MRTFB: variants seen among roughly 807,000 people sequenced by gnomAD.
MRTFB encodes myocardin-related transcription factor B.
Under a neutral mutation model 104.2 loss-of-function variants are expected in MRTFB, and 29 were observed. The ratio of observed to expected loss-of-function variants is 0.28; its 90% CI spans 0.21 to 0.38. The LOEUF is 0.38. Ranked by LOEUF, MRTFB falls within the 10% of genes least tolerant of loss-of-function variation. MRTFB has a pLI of 1.00. For synonymous variants in MRTFB, 535 were observed against 519.5 expected, an observed-to-expected ratio of 1.03 and a Z score of -0.41; for missense variants, 1,270 against 1,341.6, an observed-to-expected ratio of 0.95 and a Z score of 0.83.
chr16:14,218,294 C>A (rs1161542822), intron 7 of MRTFB, among the ~76,000 whole-genome samples: 1 of 152,098 alleles, frequency 6.6e-6, no homozygotes, highest in Admixed American at 6.5e-5. Flanking sequence ...CTCCTGACCT[C>A]ATGATCCACC....
Position 14,261,424 on chromosome 16 carries a change from C to A in MRTFB, c.3280C>A (p.Leu1094Ile), listed in dbSNP as rs1422175822. ...FSADFLDPQDLPLPWD is the reference protein window; with the variant it reads ...FSADFLDPQDIPLPWD ...TGCTGACTTTCTAGACCCACAGGAC[C>A]TACCGCTGCCATGGGACTAACGTCA... The change falls in exon 17 of 17, where the codon CTA (leucine) becomes ATA (isoleucine). Residue 1094 changes from leucine to isoleucine, a missense_variant. Physicochemically the swap from Leu to Ile is conservative, Grantham distance 5. Coordinates refer to ENST00000571589, the MANE Select transcript of MRTFB (RefSeq NM_001308142.2). 5 of 1,602,818 alleles carry A rather than the reference C, an allele frequency of 3.1e-6. No individual in the cohort carries two copies. The highest frequency in any genetic ancestry group is 4.3e-6 in the Non-Finnish European group (5 of 1,171,698).
At chr16:14,102,914 A>C (rs1168048672) in intron 2 of MRTFB, among the ~76,000 whole-genome samples, 1 of 152,198 alleles carries the variant, frequency 6.6e-6, no homozygotes, top group Non-Finnish European at 1.5e-5. Context: ...GTGAAAGGAG[A>C]AGGTGAAGTA....
At chr16:14,033,913 A>G in the MRTFB span, among the ~76,000 whole-genome samples, 2 of 152,116 alleles carry the variant, frequency 1.3e-5, no homozygotes, top group Non-Finnish European at 1.5e-5. Flanking sequence ...GTGTGGTTCA[A>G]AATAAGGAAA....
At chr16:14,185,562 T>G (rs890252531) in intron 3 of MRTFB, among the ~76,000 whole-genome samples, 1 of 152,190 alleles carries the variant, frequency 6.6e-6, no homozygotes, top group African/African-American at 2.4e-5. Context: ...CTGGGTATTA[T>G]TAAAGGAAGT....
the MRTFB span, among the ~76,000 whole-genome samples, chr16:13,999,535 C>A: frequency 6.7e-6 from 1 of 148,568 alleles, no homozygotes; most frequent in Non-Finnish European, 1.5e-5. Flanking sequence ...AAAAAAAAAG[C>A]TTTCTCTCTT....
Position 14,082,180 on chromosome 16 carries a change from G to A in MRTFB, c.-64+2826G>A, listed in dbSNP as rs529864480. ...GGAGCTTAATGTTTTCACATCTTAC[G>A]TTTAAGTCTTTAATACATTTTGAGT... is the stretch of plus-strand genomic sequence containing the variant. On this transcript the variant is annotated intron_variant, in intron 2 of 16. Coordinates refer to ENST00000571589, the MANE Select transcript of MRTFB (RefSeq NM_001308142.2). Among the ~76,000 whole-genome samples the A allele has an allele frequency of 8.5e-5, 13 of 152,232 alleles. No individual in the cohort carries two copies. The East Asian group carries it at 2.1e-3, about 25-fold the overall frequency.
the MRTFB span, among the ~76,000 whole-genome samples, chr16:14,016,185 G>T: frequency 3.9e-5 from 6 of 152,100 alleles, no homozygotes; most frequent in Non-Finnish European, 5.9e-5. Context: ...ATCAAATGAA[G>T]GAACAGATGT....
intron 2 of MRTFB, among the ~76,000 whole-genome samples, chr16:14,127,929 A>ATATAT (rs1393344981): frequency 1.7e-3 from 77 of 44,612 alleles, no homozygotes; most frequent in South Asian, 3.9e-3. Context: ...ATATATATAT[A>ATATAT]TTTTTTTTTT....
chr16:14,231,953 T>TA (rs2042288750), intron 8 of MRTFB, among the ~76,000 whole-genome samples: 1 of 152,224 alleles, frequency 6.6e-6, no homozygotes, highest in South Asian at 2.1e-4. Context: ...ATTCTTGTGT[T>TA]ATGCTGGAGT....
At position 14,097,930 on chromosome 16, in the gene MRTFB, ATAGT is replaced by A. The variant is rs1447268574; in HGVS notation, c.-64+18578_-64+18581del. Among the ~76,000 whole-genome samples, 21 of 152,222 alleles carry A rather than the reference ATAGT, an allele frequency of 1.4e-4. 1 individual carries two copies. Among genetic ancestry groups the A allele is most frequent in the Admixed American group, 5.9e-4 (9 of 15,286 alleles). ...ATCAATAGTTCATTTCTTCTTAGAC[ATAGT>A]TGGTTGTGTAGATATGCCACAATTT... On this transcript the variant is annotated intron_variant, in intron 2 of 16. Coordinates refer to ENST00000571589, the MANE Select transcript of MRTFB (RefSeq NM_001308142.2).
chr16:14,215,174 ACT>A (rs1195537561), intron 6 of MRTFB, among the ~76,000 whole-genome samples: 1 of 152,210 alleles, frequency 6.6e-6, no homozygotes, highest in African/African-American at 2.4e-5. Flanking sequence ...AATACATTTA[ACT>A]CTCAAAATAA....
intron 2 of MRTFB, among the ~76,000 whole-genome samples, chr16:14,135,206 C>T (rs2142491655): frequency 6.6e-6 from 1 of 152,336 alleles, no homozygotes; most frequent in Non-Finnish European, 1.5e-5. Flanking sequence ...ACCAGCCTTT[C>T]CAACTGCCCA....
Position 14,263,027 on chromosome 16 carries a change from G to C in MRTFB, c.*1583G>C, listed in dbSNP as rs2043827256. ...AGAGCTGATCTTATTTCTGATTTGT[G>C]TGTGTGTGGTTTATAAATTTTACTA... On this transcript the variant is annotated 3_prime_UTR_variant, in exon 17 of 17. Transcript: ENST00000571589. The C allele has an allele frequency of 6.6e-6, 1 of 152,484 alleles. No individual in the cohort carries two copies. The highest frequency in any genetic ancestry group is 2.4e-5 in the African/African-American group (1 of 41,456). 9.4% of individuals were successfully genotyped at this position (152,484 alleles called of 1,614,324 possible).
the MRTFB span, among the ~76,000 whole-genome samples, chr16:13,997,375 A>G: frequency 6.6e-6 from 1 of 152,216 alleles, no homozygotes; most frequent in Non-Finnish European, 1.5e-5. Context: ...AGAGAGCTTT[A>G]GTTTATTTGA....
chr16:14,149,484 A>C (rs1021924975), intron 3 of MRTFB: 4 of 152,238 alleles, frequency 2.6e-5, no homozygotes, highest in African/African-American at 7.2e-5. Context: ...TGATCCTGAC[A>C]TAGCAGTTAA....
At chr16:14,260,586 T>C (rs1282759911) in intron 16 of MRTFB, among the ~76,000 whole-genome samples, 2 of 152,210 alleles carry the variant, frequency 1.3e-5, no homozygotes, top group Non-Finnish European at 2.9e-5. Flanking sequence ...TAGTGAGATA[T>C]AACTGCTTTT....
rs72785419 is a variant in MRTFB, at chr16:14,177,937, C to T, written c.155-32306C>T. ...GTGTGTGTGTGTGTGTGTGTGTGTG[C>T]ACGCATTGGTGGGTGTTTAGAGTTA... On this transcript the variant is annotated intron_variant, in intron 3 of 16. Transcript: ENST00000571589. The surrounding 1 kb of genome is among the most constrained non-coding windows in gnomAD (Gnocchi z 4.7). Among the ~76,000 whole-genome samples, 1,041 of 107,156 alleles carry T rather than the reference C, an allele frequency of 9.7e-3. 7 individuals are homozygous for T. The highest frequency in any genetic ancestry group is 0.041 in the Middle Eastern group (9 of 218). 70.3% of individuals were successfully genotyped at this position (107,156 alleles called of 152,430 possible).
intron 3 of MRTFB, among the ~76,000 whole-genome samples, chr16:14,171,499 G>GAAA (rs3086621): frequency 0.035 from 4,851 of 138,774 alleles, 298 homozygotes; most frequent in African/African-American, 0.12. Context: ...ACTCTGTCTC[G>GAAA]AAAAAAAAAA....
At chr16:14,225,188 A>C (rs1366183870) in intron 8 of MRTFB, among the ~76,000 whole-genome samples, 1 of 152,214 alleles carries the variant, frequency 6.6e-6, no homozygotes, top group Non-Finnish European at 1.5e-5. Context: ...TTCTCATCTA[A>C]AAAGAAAAAA....
Sources: allele counts gnomAD v4.1 joint callset (sites outside exome capture counted in the v4.1 genomes callset), GRCh38; gene constraint gnomAD v4.1.1; non-coding constraint Gnocchi (gnomAD v3.1); transcripts MANE v1.5; gene names NCBI Gene and HGNC (gene_info 2026-07-23, HGNC 2026-07-21).